ADCY2: variants seen among roughly 807,000 people sequenced by gnomAD.
ADCY2 encodes adenylate cyclase type 2.
Under a neutral mutation model 125.2 loss-of-function variants are expected in ADCY2, and 31 were observed. That is an observed-to-expected ratio of 0.25 (90% CI 0.19 to 0.33). ADCY2 has a LOEUF of 0.33. ADCY2 is among the 10% of genes least tolerant of loss of function. The probability of loss-of-function intolerance (pLI) is 1.00; values close to 1 mark genes in which losing one functional copy is unlikely to be tolerated. For missense variants in ADCY2, 904 were observed against 1,418.2 expected, an observed-to-expected ratio of 0.64 and a Z score of 5.82; for synonymous variants, 512 against 548.4, an observed-to-expected ratio of 0.93 and a Z score of 0.93.
chr5:7,635,997 G>A (rs1738488835), intron 4 of ADCY2, among the ~76,000 whole-genome samples: 1 of 152,092 alleles, frequency 6.6e-6, no homozygotes, highest in East Asian at 1.9e-4. Context: ...TTTAGCCTGT[G>A]GCCAGGTGTC....
intron 14 of ADCY2, among the ~76,000 whole-genome samples, chr5:7,728,740 T>G (rs1240810586): frequency 6.6e-6 from 1 of 152,180 alleles, no homozygotes; most frequent in Admixed American, 6.5e-5. Flanking sequence ...TCATTAATTT[T>G]TCTACATCTT....
chr5:7,555,942 A>G lies in ADCY2; in HGVS notation c.570+35043A>G, dbSNP rs139121150. 3.3e-3 allele frequency among the ~76,000 whole-genome samples: 504 copies of G among 151,966 alleles called. 8 individuals are homozygous for G. The highest frequency in any genetic ancestry group is 0.012 in the African/African-American group (482 of 41,456). On this transcript the variant is annotated intron_variant, in intron 3 of 24. Coordinates refer to ENST00000338316, the MANE Select transcript of ADCY2 (RefSeq NM_020546.3). ...CAAATGAATATAACAAAAACTTTGC[A>G]TTGTATCTCATGTGATAGACCTGTA...
At chr5:7,681,062 C>A (rs1395062349) in intron 4 of ADCY2, among the ~76,000 whole-genome samples, 1 of 152,214 alleles carries the variant, frequency 6.6e-6, no homozygotes, top group Non-Finnish European at 1.5e-5. Flanking sequence ...GAGCTGCAGT[C>A]ATTGAGTTAC....
At chr5:7,634,528 G>A (rs899407086) in intron 4 of ADCY2, among the ~76,000 whole-genome samples, 2 of 152,140 alleles carry the variant, frequency 1.3e-5, no homozygotes, top group Non-Finnish European at 2.9e-5. Context: ...TCATAAATGT[G>A]GACTATATGA....
chr5:7,738,822 G>A (rs930497656), intron 14 of ADCY2, among the ~76,000 whole-genome samples: 3 of 151,810 alleles, frequency 2.0e-5, no homozygotes, highest in Non-Finnish European at 4.4e-5. Context: ...CATTTCACCA[G>A]GAGGCGTAAA....
intron 3 of ADCY2, among the ~76,000 whole-genome samples, chr5:7,523,797 A>G (rs570332314): frequency 1.3e-5 from 2 of 152,340 alleles, no homozygotes; most frequent in African/African-American, 4.8e-5. Context: ...GTTGAATGTA[A>G]CACTATGTAA....
intron 3 of ADCY2, among the ~76,000 whole-genome samples, chr5:7,568,432 C>CA (rs951872863): frequency 2.0e-5 from 3 of 148,198 alleles, no homozygotes; most frequent in African/African-American, 7.4e-5. Flanking sequence ...TTTGACAGCC[C>CA]TTTTTTTTTT....
At chr5:7,614,710 G>A (rs535602730) in intron 3 of ADCY2, among the ~76,000 whole-genome samples, 4 of 152,180 alleles carry the variant, frequency 2.6e-5, no homozygotes, top group Non-Finnish European at 4.4e-5. Flanking sequence ...CAAGTGGGAG[G>A]CATGGCCAGG....
At chr5:7,474,924 G>A (rs1164897439) in intron 2 of ADCY2, among the ~76,000 whole-genome samples, 1 of 152,228 alleles carries the variant, frequency 6.6e-6, no homozygotes. Context: ...CAGCCACAAT[G>A]GGCAGCTGTT....
intron 2 of ADCY2, among the ~76,000 whole-genome samples, chr5:7,506,911 C>G (rs1743842130): frequency 6.7e-6 from 1 of 148,692 alleles, no homozygotes. Context: ...CCTCAGCCTC[C>G]TGAGTAGCTG....
At chr5:7,438,361 G>A (rs1363292256) in intron 2 of ADCY2, among the ~76,000 whole-genome samples, 1 of 152,054 alleles carries the variant, frequency 6.6e-6, no homozygotes, top group East Asian at 1.9e-4. Context: ...ACTCTACCAG[G>A]AGAAGGAGCA....
intron 17 of ADCY2, among the ~76,000 whole-genome samples, chr5:7,771,029 G>A (rs765965890): frequency 3.3e-5 from 5 of 152,160 alleles, no homozygotes; most frequent in African/African-American, 4.8e-5. Flanking sequence ...CTGTCTTGCA[G>A]AACTCACTGC....
chr5:7,679,164 C>A (rs1278362369), intron 4 of ADCY2, among the ~76,000 whole-genome samples: 4 of 152,142 alleles, frequency 2.6e-5, no homozygotes, highest in Non-Finnish European at 5.9e-5. Context: ...GTGGGGAGGG[C>A]ATCCTTAGGG....
At chr5:7,779,275 G>T (rs1359756846) in intron 18 of ADCY2, among the ~76,000 whole-genome samples, 1 of 152,130 alleles carries the variant, frequency 6.6e-6, no homozygotes, top group Non-Finnish European at 1.5e-5. Context: ...CCTGTGGTTT[G>T]GACTCATCTG....
intron 6 of ADCY2, among the ~76,000 whole-genome samples, chr5:7,696,755 T>C (rs1286733259): frequency 6.6e-6 from 1 of 152,130 alleles, no homozygotes; most frequent in African/African-American, 2.4e-5. Context: ...TTGCAGATGT[T>C]AGCATGATCA....
At chr5:7,576,772 C>G (rs1250265742) in intron 3 of ADCY2, among the ~76,000 whole-genome samples, 3 of 152,146 alleles carry the variant, frequency 2.0e-5, no homozygotes, top group Non-Finnish European at 2.9e-5. Flanking sequence ...ACCCACACCC[C>G]CTTCCCCACC....
intron 3 of ADCY2, among the ~76,000 whole-genome samples, chr5:7,609,480 A>G (rs1222501575): frequency 6.6e-6 from 1 of 152,236 alleles, no homozygotes; most frequent in Non-Finnish European, 1.5e-5. Flanking sequence ...ATGAATTAGG[A>G]TATTTCCAAT....
Position 7,827,200 on chromosome 5 carries a change from G to A in ADCY2, c.*329G>A, listed in dbSNP as rs1300876759. ...ACTAGGGGGTGTATATTATCTTCTGGTGCATGTTCTTTTCTGGAAAATATG... is the reference window on the plus strand; with the variant it reads ...ACTAGGGGGTGTATATTATCTTCTGATGCATGTTCTTTTCTGGAAAATATG... On this transcript the variant is annotated 3_prime_UTR_variant, in exon 25 of 25. Coordinates refer to ENST00000338316, the MANE Select transcript of ADCY2 (RefSeq NM_020546.3). 1 of 224,328 alleles carries A rather than the reference G, an allele frequency of 4.5e-6. No individual in the cohort carries two copies. Among genetic ancestry groups the A allele is most frequent in the Admixed American group, 5.2e-5 (1 of 19,216 alleles). 13.9% of individuals were successfully genotyped at this position (224,328 alleles called of 1,614,324 possible). A position where few individuals can be genotyped will look rare whatever the true frequency, so the allele number is the denominator to read the frequency against.
At chr5:7,701,498 T>C (rs1300535936) in intron 7 of ADCY2, among the ~76,000 whole-genome samples, 1 of 152,224 alleles carries the variant, frequency 6.6e-6, no homozygotes, top group East Asian at 1.9e-4. Flanking sequence ...TTTATGTGTA[T>C]ATAAAAATGT....
Sources: allele counts gnomAD v4.1 joint callset (sites outside exome capture counted in the v4.1 genomes callset), GRCh38; gene constraint gnomAD v4.1.1; transcripts MANE v1.5; gene names NCBI Gene and HGNC (gene_info 2026-07-23, HGNC 2026-07-21).